Variants in TP63 observed in about 807,000 individuals in gnomAD.
TP63 encodes tumor protein p63.
TP63 carries 17 observed loss-of-function variants against 82.8 expected under a neutral mutation model. The observed-to-expected ratio is 0.21, with a 90% CI of 0.14 to 0.31. The LOEUF (loss-of-function observed/expected upper bound fraction) is 0.31, where lower values mean the gene tolerates loss of function less well. TP63 is among the 10% of genes least tolerant of loss of function. TP63 has a pLI of 1.00. For synonymous variants in TP63, 330 were observed against 321.7 expected, an observed-to-expected ratio of 1.03 and a Z score of -0.28; for missense variants, 648 against 895.3, an observed-to-expected ratio of 0.72 and a Z score of 3.52.
chr3:189,744,409 G>T (rs78851543), intron 3 of TP63, among the ~76,000 whole-genome samples: 4,362 of 152,104 alleles, frequency 0.029, 80 homozygotes, highest in Admixed American at 0.052. Flanking sequence ...ACCAGTGCCC[G>T]CACACACCAG....
At chr3:189,623,784 C>T in the TP63 span, among the ~76,000 whole-genome samples, 6,058 of 152,264 alleles carry the variant, frequency 0.04, 154 homozygotes, top group Middle Eastern at 0.061. Context: ...AATAAGCAAT[C>T]AACCAAATGC....
intron 2 of TP63, among the ~76,000 whole-genome samples, chr3:189,738,299 G>T (rs1334401772): frequency 1.3e-5 from 2 of 152,172 alleles, no homozygotes; most frequent in African/African-American, 4.8e-5. Flanking sequence ...AGTAAATTAA[G>T]AAAAGGTGAA....
intron 4 of TP63, among the ~76,000 whole-genome samples, chr3:189,819,224 G>C (rs74795939): frequency 0.04 from 6,028 of 152,120 alleles, 170 homozygotes; most frequent in Non-Finnish European, 0.062. Flanking sequence ...ACCTCTTTCT[G>C]CTTTGCTTAT....
chr3:189,816,631 C>T (rs1215666077), intron 4 of TP63, among the ~76,000 whole-genome samples: 1 of 152,078 alleles, frequency 6.6e-6, no homozygotes, highest in African/African-American at 2.4e-5. Context: ...ATGTAGCTTT[C>T]CAACAACTTC....
chr3:189,794,156 T>C (rs1326215830), intron 3 of TP63, among the ~76,000 whole-genome samples: 1 of 152,032 alleles, frequency 6.6e-6, no homozygotes, highest in African/African-American at 2.4e-5. Flanking sequence ...TCATGAAAAG[T>C]AGTATTGAGA....
At chr3:189,627,073 T>A (rs1464883089), upstream of TP63, among the ~76,000 whole-genome samples, 1 of 152,116 alleles carries the variant, frequency 6.6e-6, no homozygotes, top group African/African-American at 2.4e-5. Context: ...CTGCTTGAGG[T>A]CTGGGAGTAA....
At chr3:189,754,946 G>C (rs1432381641) in intron 3 of TP63, among the ~76,000 whole-genome samples, 1 of 150,252 alleles carries the variant, frequency 6.7e-6, no homozygotes, top group Non-Finnish European at 1.5e-5. Context: ...AGGCAGATTT[G>C]ATTAAAGGCT....
chr3:189,889,119 G>A (rs1051144409), intron 11 of TP63, among the ~76,000 whole-genome samples: 4 of 152,146 alleles, frequency 2.6e-5, no homozygotes, highest in African/African-American at 7.2e-5. Flanking sequence ...GATTGTTCTC[G>A]GACAAGGTAC....
At chr3:189,762,467 A>G (rs949709079) in intron 3 of TP63, among the ~76,000 whole-genome samples, 1 of 152,224 alleles carries the variant, frequency 6.6e-6, no homozygotes, top group African/African-American at 2.4e-5. Flanking sequence ...CTATAATGAC[A>G]GAGAAGAAAT....
intron 3 of TP63, among the ~76,000 whole-genome samples, chr3:189,764,618 G>A (rs1184550787): frequency 6.6e-6 from 1 of 152,028 alleles, no homozygotes; most frequent in East Asian, 1.9e-4. Flanking sequence ...AGTCTCTTTT[G>A]TCTACTAAAG....
intron 11 of TP63, 96 bp from the exon 12 acceptor site, chr3:189,889,244 G>A: frequency 6.4e-7 from 1 of 1,562,526 alleles, no homozygotes; most frequent in Non-Finnish European, 8.8e-7. Context: ...TGGTAGTTTA[G>A]GCCCTTGATA....
chr3:189,708,938 G>A (rs1309808586), intron 1 of TP63, among the ~76,000 whole-genome samples: 1 of 152,146 alleles, frequency 6.6e-6, no homozygotes, highest in Non-Finnish European at 1.5e-5. Context: ...ATTTTAGAGT[G>A]TCAGTTTGTT....
chr3:189,597,819 T>G, the TP63 span, among the ~76,000 whole-genome samples: 1 of 151,930 alleles, frequency 6.6e-6, no homozygotes, highest in Non-Finnish European at 1.5e-5. Context: ...TCCCAGCTAC[T>G]CTGCAGGCTG....
At chr3:189,662,433 G>A (rs185619777) in intron 1 of TP63, among the ~76,000 whole-genome samples, 67 of 151,942 alleles carry the variant, frequency 4.4e-4, no homozygotes, top group African/African-American at 1.5e-3. Flanking sequence ...TGAGAGTATC[G>A]TTGGTATTAT....
At chr3:189,795,083 A>G (rs1023028020) in intron 3 of TP63, among the ~76,000 whole-genome samples, 12 of 152,074 alleles carry the variant, frequency 7.9e-5, no homozygotes, top group African/African-American at 2.9e-4. Flanking sequence ...TTTAGAAGAT[A>G]AATTATATAG....
chr3:189,698,297 T>G (rs1202577677), intron 1 of TP63, among the ~76,000 whole-genome samples: 1 of 152,138 alleles, frequency 6.6e-6, no homozygotes, highest in Non-Finnish European at 1.5e-5. Flanking sequence ...AGATCCTATT[T>G]ATCTTCTTTA....
intron 4 of TP63, among the ~76,000 whole-genome samples, chr3:189,840,465 CGTGT>C (rs1364806147): frequency 7.7e-6 from 1 of 129,304 alleles, no homozygotes. Context: ...AGATTGTGTA[CGTGT>C]GTGTGTGTGT....
chr3:189,851,811 C>T (rs1715672283), intron 4 of TP63, among the ~76,000 whole-genome samples: 1 of 152,098 alleles, frequency 6.6e-6, no homozygotes, highest in East Asian at 1.9e-4. Flanking sequence ...AAGGCCACCC[C>T]GTGAAGGTGA....
At chr3:189,829,157 C>T (rs1711903472) in intron 4 of TP63, among the ~76,000 whole-genome samples, 2 of 151,996 alleles carry the variant, frequency 1.3e-5, no homozygotes, top group Admixed American at 6.6e-5. Flanking sequence ...TGGCAGATAC[C>T]ATATTACCAA....
Sources: gnomAD v4.1 joint callset for allele counts (sites outside exome capture counted in the v4.1 genomes callset) on GRCh38, gnomAD v4.1.1 for gene constraint, MANE v1.5 for transcripts, NCBI Gene and HGNC (gene_info 2026-07-23, HGNC 2026-07-21) for gene names.